The following ZRANB1 variants were observed in gnomAD, a reference collection of about 807,000 sequenced individuals.
ZRANB1 encodes the protein zinc finger RANBP2-type containing 1, also known as ubiquitin thioesterase ZRANB1.
In ZRANB1, 16 loss-of-function variants were observed where a neutral mutation model predicts 80.5. The ratio of observed to expected loss-of-function variants is 0.20; its 90% confidence interval spans 0.13 to 0.30. The LOEUF (loss-of-function observed/expected upper bound fraction) is 0.30. Among genes scored for constraint, ZRANB1 ranks in the 10% least tolerant of loss-of-function variants. The pLI is 1.00. For missense variants in ZRANB1, 576 were observed against 862.6 expected, an observed-to-expected ratio of 0.67 and a Z score of 4.16; for synonymous variants, 291 against 293.1, an observed-to-expected ratio of 0.99 and a Z score of 0.07.
chr10:124,961,764 G>A (rs990575693), intron 1 of ZRANB1, among the ~76,000 whole-genome samples: 3 of 152,170 alleles, frequency 2.0e-5, no homozygotes, highest in Non-Finnish European at 2.9e-5. Context: ...GGATGTTTTA[G>A]TAATGGACAG....
At chr10:124,961,405 GC>G (rs1346036593) in intron 1 of ZRANB1, among the ~76,000 whole-genome samples, 1 of 152,206 alleles carries the variant, frequency 6.6e-6, no homozygotes, top group Non-Finnish European at 1.5e-5. Flanking sequence ...ATCTGTTTCA[GC>G]CCTGTTAACA....
chr10:124,945,409 A>ATTTTTTT lies in ZRANB1; in HGVS notation c.814+2121_814+2127dup, dbSNP rs57697692. On this transcript the variant is annotated intron_variant, in intron 1 of 8. Coordinates refer to ENST00000359653, the MANE Select transcript of ZRANB1 (RefSeq NM_017580.3). ...ATGCCTTTGGAACAGTCTTAAAATC[A>ATTTTTTT]TTTTTTTTTTTTTTTTTTTTTTTTT... is the stretch of plus-strand genomic sequence containing the variant. 2.9e-3 allele frequency: 357 copies of ATTTTTTT among 123,454 alleles called. 15 individuals carry two copies. Among genetic ancestry groups the ATTTTTTT allele is most frequent in the African/African-American group, 6.8e-3 (178 of 26,100 alleles). The allele number at this position is 123,454 out of a possible 1,614,324, so 7.6% of individuals were successfully genotyped here. A position where few individuals can be genotyped will look rare whatever the true frequency, so the allele number is the denominator to read the frequency against.
intron 5 of ZRANB1, among the ~76,000 whole-genome samples, chr10:124,980,517 CA>C (rs1223349747): frequency 6.6e-6 from 1 of 152,052 alleles, no homozygotes; most frequent in Non-Finnish European, 1.5e-5. Context: ...CTTTTCAAAA[CA>C]ATGTATTTCA....
chr10:124,965,918 T>TC (rs1428577983), intron 1 of ZRANB1, among the ~76,000 whole-genome samples: 2 of 152,288 alleles, frequency 1.3e-5, no homozygotes, highest in East Asian at 3.9e-4. Context: ...TATTTCTGTT[T>TC]CCCCCCTACT....
At chr10:124,927,469 A>G in the ZRANB1 span, among the ~76,000 whole-genome samples, 24,554 of 152,142 alleles carry the variant, frequency 0.16, 2,026 homozygotes, top group East Asian at 0.21. Context: ...GTGGTGGGTA[A>G]TTAACTTCAC....
the ZRANB1 span, among the ~76,000 whole-genome samples, chr10:124,922,862 AAAAT>A: frequency 6.6e-6 from 1 of 152,168 alleles, no homozygotes; most frequent in African/African-American, 2.4e-5. Context: ...AGTAATGAAA[AAAAT>A]AAACTACTAC....
the ZRANB1 span, among the ~76,000 whole-genome samples, chr10:124,923,455 G>A: frequency 8.6e-5 from 13 of 151,522 alleles, no homozygotes; most frequent in African/African-American, 1.5e-4. Flanking sequence ...TTAGCTGGGC[G>A]TGGTGGTGCG....
At chr10:124,940,416 A>G (rs1388007143), upstream of ZRANB1, 4 of 931,326 alleles carry the variant, frequency 4.3e-6, no homozygotes, top group African/African-American at 5.2e-5. Context: ...CACGTTTTGC[A>G]GTATCTCCTG....
chr10:124,949,496 TACAC>T lies in ZRANB1; in HGVS notation c.814+6213_814+6216del, dbSNP rs71964464. Among the ~76,000 whole-genome samples the T allele has an allele frequency of 3.9e-3, 510 of 129,176 alleles. 7 individuals are homozygous for T. The highest frequency in any genetic ancestry group is 0.013 in the African/African-American group (436 of 33,736). 84.7% of individuals were successfully genotyped at this position (129,176 alleles called of 152,430 possible). A position where few individuals can be genotyped will look rare whatever the true frequency, so the allele number is the denominator to read the frequency against. On this transcript the variant is annotated intron_variant, in intron 1 of 8. Coordinates refer to ENST00000359653, the MANE Select transcript of ZRANB1 (RefSeq NM_017580.3). ...ACATATATGTATATATATTCACGTA[TACAC>T]ACACACACACACACACACACACATT...
In ZRANB1 at chr10:124,983,429, C is replaced by T. The variant is rs1564969377; in HGVS notation, c.1679-30C>T. 2 of 1,598,260 alleles carry T rather than the reference C, an allele frequency of 1.3e-6. No homozygotes were observed. The highest frequency in any genetic ancestry group is 1.7e-6 in the Non-Finnish European group (2 of 1,169,384). ...AGGGAGTGGCTCTTTCTTCCTGTGA[C>T]TGTTGGGATTTTCTTCCCTCTCTTT... On this transcript the variant is annotated intron_variant, in intron 7 of 8. Transcript: ENST00000359653. This position sits in a 1 kb window ranked among gnomAD's most constrained non-coding sequence, Gnocchi z 6.2.
chr10:124,958,837 T>G (rs1951707218), intron 1 of ZRANB1, among the ~76,000 whole-genome samples: 1 of 152,216 alleles, frequency 6.6e-6, no homozygotes, highest in Non-Finnish European at 1.5e-5. Context: ...GTTCACTTTC[T>G]TTGGTGATTT....
intron 1 of ZRANB1, among the ~76,000 whole-genome samples, chr10:124,961,260 C>A (rs1306387937): frequency 6.6e-6 from 1 of 152,192 alleles, no homozygotes; most frequent in African/African-American, 2.4e-5. Flanking sequence ...CCCACCTCGG[C>A]CTCCCAAAGT....
At chr10:124,982,076 G>A (rs78101066) in intron 6 of ZRANB1, among the ~76,000 whole-genome samples, 1 of 770 alleles carries the variant, frequency 1.3e-3, no homozygotes, top group African/African-American at 1.9e-3. Context: ...GAAGAGTAAC[G>A]TGTTTTTATA....
chr10:124,943,233 T>C lies in ZRANB1; in HGVS notation c.740T>C (p.Val247Ala). 1 of 1,614,206 alleles carries C rather than the reference T, an allele frequency of 6.2e-7. No individual in the cohort carries two copies. The highest frequency in any genetic ancestry group is 8.5e-7 in the Non-Finnish European group (1 of 1,180,038). The change falls in exon 1 of 9, where the codon GTA (valine) becomes GCA (alanine). Residue 247 changes from valine (V) to alanine (A), a missense_variant. This residue lies in a region of ZRANB1 where 411 missense variants were observed against 583.1 expected (regional missense o/e 0.70). Coordinates refer to ENST00000359653, the MANE Select transcript of ZRANB1 (RefSeq NM_017580.3). ...GAVGSKEELE[V>A]DFKKLKQIKN... is the part of the protein sequence containing the mutation. ...GTGGGAAGCAAGGAGGAACTTGAAG[T>C]AGACTTTAAAAAACTAAAGCAAATT...
In ZRANB1 at chr10:124,963,527, A is replaced by G. The variant is rs75685194; in HGVS notation, c.815-3067A>G. 6.1e-3 allele frequency among the ~76,000 whole-genome samples: 797 copies of G among 129,944 alleles called. 3 individuals carry two copies. The highest frequency in any genetic ancestry group is 0.028 in the Middle Eastern group (5 of 176). 85.2% of individuals were successfully genotyped at this position (129,944 alleles called of 152,430 possible). On this transcript the variant is annotated intron_variant, in intron 1 of 8. Transcript: ENST00000359653. ...AAGTGTAATTATGTGAAGAACTCAG[A>G]TATTGTAAGGTTTTTTTTTTTTGTT...
At chr10:124,968,411 T>C (rs1951793934) in intron 2 of ZRANB1, among the ~76,000 whole-genome samples, 1 of 152,254 alleles carries the variant, frequency 6.6e-6, no homozygotes, top group East Asian at 1.9e-4. Context: ...AGCTAACCCC[T>C]GTGTCCAGTT....
intron 1 of ZRANB1, among the ~76,000 whole-genome samples, chr10:124,962,681 T>C (rs1951743849): frequency 7.2e-6 from 1 of 138,938 alleles, no homozygotes; most frequent in Non-Finnish European, 1.5e-5. Flanking sequence ...TAATATATGT[T>C]TGCTTTTTAT....
chr10:124,952,075 A>G (rs1951643184), intron 1 of ZRANB1, among the ~76,000 whole-genome samples: 2 of 151,928 alleles, frequency 1.3e-5, no homozygotes, highest in African/African-American at 4.8e-5. Context: ...ATCTCCCTCT[A>G]CCCCCTCTTT....
chr10:124,944,725 C>T (rs1319723459), intron 1 of ZRANB1, among the ~76,000 whole-genome samples: 1 of 152,062 alleles, frequency 6.6e-6, no homozygotes, highest in Admixed American at 6.6e-5. Flanking sequence ...AACTCCTGGG[C>T]TCAAGCGATT....
Sources: gnomAD v4.1 joint callset for allele counts (sites outside exome capture counted in the v4.1 genomes callset) on GRCh38, gnomAD v4.1.1 for gene constraint, gnomAD v4.1.1 regional missense constraint, Gnocchi (gnomAD v3.1) non-coding constraint, MANE v1.5 for transcripts, NCBI Gene and HGNC (gene_info 2026-07-23, HGNC 2026-07-21) for gene names.